ZNF880: variants seen among roughly 807,000 people sequenced by gnomAD.
The protein encoded by ZNF880 is zinc finger protein 880, also known as zinc finger protein LOC400713.
In ZNF880, 12 loss-of-function variants were observed where a neutral mutation model predicts 11.8. The observed-to-expected ratio is 1.02, with a 90% CI of 0.65 to 1.65. The LOEUF is 1.65. Among genes scored for constraint, ZNF880 ranks in the 40% most tolerant of loss-of-function variants. The probability of loss-of-function intolerance (pLI) is 0.00; values close to 1 mark genes in which losing one functional copy is unlikely to be tolerated. For missense variants in ZNF880, 601 were observed against 673.9 expected (o/e 0.89, Z 1.20); for synonymous variants, 210 against 232.4 (o/e 0.90, Z 0.88).
intron 3 of ZNF880, among the ~76,000 whole-genome samples, chr19:52,377,348 C>T (rs1035147832): frequency 2.0e-5 from 3 of 152,034 alleles, no homozygotes; most frequent in Non-Finnish European, 2.9e-5. Context: ...GTTTTTTCTA[C>T]TCTCAAATGC....
At chr19:52,371,864 T>C (rs1412279187) in intron 1 of ZNF880, among the ~76,000 whole-genome samples, 1 of 152,136 alleles carries the variant, frequency 6.6e-6, no homozygotes, top group Non-Finnish European at 1.5e-5. Flanking sequence ...GTACAACATT[T>C]AGAAAGTGCC....
At chr19:52,388,037 G>T (rs945116279), downstream of ZNF880, among the ~76,000 whole-genome samples, 2 of 136,342 alleles carry the variant, frequency 1.5e-5, 1 homozygote, top group South Asian at 4.5e-4. Flanking sequence ...GCACCACCAC[G>T]CCCGGCTAAT....
chr19:52,386,171 C>CAAAAA (rs10674709), downstream of ZNF880, among the ~76,000 whole-genome samples: 158 of 77,336 alleles, frequency 2.0e-3, 11 homozygotes, highest in African/African-American at 8.4e-3. Flanking sequence ...GACTCTGTCT[C>CAAAAA]AAAAAAAAAA....
chr19:52,375,026 C>T (rs707311), intron 3 of ZNF880, among the ~76,000 whole-genome samples: 1 of 151,852 alleles, frequency 6.6e-6, no homozygotes, highest in Non-Finnish European at 1.5e-5. Context: ...CATGACCCAC[C>T]ATGCCTGGCC....
Position 52,385,067 on chromosome 19 carries a change from A to G in ZNF880, c.1487A>G (p.Glu496Gly). 1 of 1,565,058 alleles carries G rather than the reference A, an allele frequency of 6.4e-7. No homozygotes were observed. The highest frequency in any genetic ancestry group is 8.7e-7 in the Non-Finnish European group (1 of 1,154,610). Reference protein sequence around the residue: ...HTGEKPYKCSECHKVFSHNSH... With the variant: ...HTGEKPYKCSGCHKVFSHNSH... ...GGAGAGAAACCTTACAAATGCAGTG[A>G]ATGTCACAAAGTCTTTAGTCACAAT... The change falls in exon 4 of 4, where the codon GAA becomes GGA. Residue 496 changes from glutamate to glycine, a missense_variant. Glu to Gly is a moderately conservative substitution (Grantham distance 98). Transcript: ENST00000422689.
chr19:52,386,800 C>CT (rs1699121307), downstream of ZNF880, among the ~76,000 whole-genome samples: 1 of 56,574 alleles, frequency 1.8e-5, no homozygotes, highest in Non-Finnish European at 4.1e-5. Flanking sequence ...AAAACTCTGT[C>CT]TCAAAAAAAA....
the ZNF880 span, chr19:52,394,775 G>T: frequency 6.6e-6 from 1 of 152,122 alleles, no homozygotes. Flanking sequence ...CTCCAGGGGA[G>T]AATTTGTTTC....
At chr19:52,372,239 GTTAA>G (rs749472713) in intron 1 of ZNF880, among the ~76,000 whole-genome samples, 42 of 150,880 alleles carry the variant, frequency 2.8e-4, no homozygotes, top group Middle Eastern at 3.4e-3. Flanking sequence ...ATAACTGTGG[GTTAA>G]TTTTTTGTAT....
chr19:52,374,392 C>G lies in ZNF880; in HGVS notation c.233C>G (p.Pro78Arg). Residue 78 changes from proline to arginine, a missense_variant, in exon 3 of 4, where the codon CCA becomes CGA. By Grantham distance (103) the Pro-to-Arg change is moderately radical (BLOSUM62 -2). Transcript: ENST00000422689. ...LQSEVKIANN[P>R]GGRECIKGVN... is the part of the protein sequence containing the mutation. ...AGTGAAGTGAAAATAGCAAACAATC[C>G]AGGTGGCAGGGAGTGCATCAAAGGT... 6.2e-7 allele frequency: 1 copy of G among 1,612,986 alleles called. No homozygotes were observed. Among genetic ancestry groups the G allele is most frequent in the East Asian group, 2.2e-5 (1 of 44,864 alleles).
the ZNF880 span, among the ~76,000 whole-genome samples, chr19:52,394,490 C>T: frequency 6.6e-6 from 1 of 152,150 alleles, no homozygotes; most frequent in East Asian, 1.9e-4. Context: ...CTGCCTTGGC[C>T]TCCCAAAGTG....
chr19:52,390,567 C>T (rs539555655), downstream of ZNF880: 1 of 181,164 alleles, frequency 5.5e-6, no homozygotes, highest in East Asian at 1.8e-4. Context: ...GACTGCAGTC[C>T]CCTCCCTATG....
At chr19:52,378,335 G>A (rs969510935) in intron 3 of ZNF880, among the ~76,000 whole-genome samples, 1 of 152,056 alleles carries the variant, frequency 6.6e-6, no homozygotes, top group Non-Finnish European at 1.5e-5. Context: ...CAGCAGAATG[G>A]GAAAGACAGT....
At chr19:52,369,506 ATTTAT>A (rs1015857147), upstream of ZNF880, among the ~76,000 whole-genome samples, 47 of 151,768 alleles carry the variant, frequency 3.1e-4, no homozygotes, top group African/African-American at 1.0e-3. Flanking sequence ...ATTTATATTT[ATTTAT>A]TTTAATTATT....
At chr19:52,376,398 A>G (rs2122369490) in intron 3 of ZNF880, among the ~76,000 whole-genome samples, 1 of 146,672 alleles carries the variant, frequency 6.8e-6, no homozygotes, top group South Asian at 2.1e-4. Context: ...TTTAATTTGC[A>G]TTTCTCTGAT....
At chr19:52,392,275 C>CTT in the ZNF880 span, among the ~76,000 whole-genome samples, 1 of 139,872 alleles carries the variant, frequency 7.1e-6, no homozygotes, top group South Asian at 2.2e-4. Flanking sequence ...TTCTCTTTCT[C>CTT]TCTTTCCTTC....
chr19:52,383,991 T>A lies in ZNF880; in HGVS notation c.411T>A (p.Pro137=). 1 of 1,504,078 alleles carries A rather than the reference T, an allele frequency of 6.6e-7. No homozygotes were observed. The highest frequency in any genetic ancestry group is 9.0e-7 in the Non-Finnish European group (1 of 1,116,430). The allele number at this position is 1,504,078 out of a possible 1,614,324, so 93.2% of individuals were successfully genotyped here. Residue 137 remains proline (P), a synonymous_variant, in exon 4 of 4, where the codon CCT becomes CCA. Coordinates refer to ENST00000422689, the MANE Select transcript of ZNF880 (RefSeq NM_001145434.2). ...CTGGATGTAAACATGTCGAAAAACCTATCAACAATTCCTTAGTTTCACCAC... is the reference window on the plus strand; with the variant it reads ...CTGGATGTAAACATGTCGAAAAACCAATCAACAATTCCTTAGTTTCACCAC... ...NISGCKHVEK[P]INNSLVSPLQ... is the part of the protein sequence containing the mutation.
the ZNF880 span, among the ~76,000 whole-genome samples, chr19:52,393,220 C>A: frequency 1.8e-4 from 27 of 151,850 alleles, no homozygotes; most frequent in Non-Finnish European, 2.9e-4. Context: ...TTACTGGTGC[C>A]TGCCACCATC....
At position 52,385,003 on chromosome 19, in the gene ZNF880, C is replaced by A. The variant is rs375150120; in HGVS notation, c.1423C>A (p.Arg475=). Residue 475 remains arginine, a synonymous_variant, in exon 4 of 4, where the codon CGA becomes AGA. Transcript: ENST00000422689. The part of the protein sequence containing the change: ...RCDECGKDFT[R]NSNLANHHRI... ...TGATGAATGTGGCAAGGACTTCACT[C>A]GAAATTCAAACCTTGCAAATCATCA... The A allele has an allele frequency of 1.3e-6, 2 of 1,561,664 alleles. No individual in the cohort carries two copies. Among genetic ancestry groups the A allele is most frequent in the Non-Finnish European group, 1.7e-6 (2 of 1,152,254 alleles).
chr19:52,378,426 G>C (rs1211127514), intron 3 of ZNF880, among the ~76,000 whole-genome samples: 3 of 151,642 alleles, frequency 2.0e-5, no homozygotes, highest in Admixed American at 2.0e-4. Context: ...AGGCGGATCA[G>C]AAAGTCAGGG....
Sources: allele counts gnomAD v4.1 joint callset (sites outside exome capture counted in the v4.1 genomes callset), GRCh38; gene constraint gnomAD v4.1.1; transcripts MANE v1.5; gene names NCBI Gene and HGNC (gene_info 2026-07-23, HGNC 2026-07-21).